Variants in PLPBP observed in about 807,000 individuals in gnomAD.
PLPBP encodes the protein pyridoxal phosphate homeostasis protein.
In PLPBP, 21 loss-of-function variants were observed where a neutral mutation model predicts 31.2. The observed-to-expected ratio is 0.67, with a 90% CI of 0.48 to 0.97. The LOEUF (loss-of-function observed/expected upper bound fraction) is 0.97, where lower values mean the gene tolerates loss of function less well. PLPBP is among the 50% of genes least tolerant of loss of function. The pLI is 0.00. For missense variants in PLPBP, 308 were observed against 354.4 expected (o/e 0.87, Z 1.05); for synonymous variants, 124 against 135.6 (o/e 0.91, Z 0.59).
At chr8:37,771,527 C>T (rs1052317979) in intron 4 of PLPBP, among the ~76,000 whole-genome samples, 4 of 151,970 alleles carry the variant, frequency 2.6e-5, no homozygotes, top group African/African-American at 9.7e-5. Context: ...CTCAAGTGAT[C>T]TGCCCTCCTC....
Position 37,775,948 on chromosome 8 carries a change from A to G in PLPBP, c.628A>G (p.Lys210Glu). Reference protein sequence around the residue: ...LLLSLREELCKKLNIPADQVE... With the variant: ...LLLSLREELCEKLNIPADQVE... ...ATTGTCCCTCCGGGAGGAGCTGTGT[A>G]AAAAGCTGAACATCCCTGCTGACCA... Residue 210 changes from lysine (K) to glutamate (E), a missense_variant, in exon 7 of 8, where the codon AAA becomes GAA. Transcript: ENST00000328195. The G allele has an allele frequency of 6.2e-7, 1 of 1,613,996 alleles. No individual in the cohort carries two copies. Among genetic ancestry groups the G allele is most frequent in the Non-Finnish European group, 8.5e-7 (1 of 1,179,916 alleles).
intron 4 of PLPBP, 172 bp downstream of exon 4, chr8:37,766,527 C>T (rs926721410): frequency 1.6e-6 from 2 of 1,258,186 alleles, no homozygotes; most frequent in African/African-American, 3.1e-5. Context: ...ATGCCAAGAA[C>T]AGAATGAATT....
intron 1 of PLPBP, among the ~76,000 whole-genome samples, chr8:37,764,572 C>CGGA (rs1442741469): frequency 6.6e-6 from 1 of 152,200 alleles, no homozygotes; most frequent in Non-Finnish European, 1.5e-5. Context: ...CCACCCACCT[C>CGGA]GGCCTCCCAC....
At chr8:37,770,908 G>C (rs1425741693) in intron 4 of PLPBP, among the ~76,000 whole-genome samples, 1 of 152,124 alleles carries the variant, frequency 6.6e-6, no homozygotes, top group Non-Finnish European at 1.5e-5. Context: ...GATGGGAGGA[G>C]GGAGCGGGGA....
rs1803812969 is a variant in PLPBP at position 37,772,909 on chromosome 8, T to C, written c.454+20T>C. 1 of 1,613,596 alleles carries C rather than the reference T, an allele frequency of 6.2e-7. No individual in the cohort carries two copies. On this transcript the variant is annotated intron_variant, in intron 5 of 7. Transcript: ENST00000328195. ...AAGAGAGTAAGTAACCAGACCTGAA[T>C]TGTAGATTTTTCTTCCTTTAGGATG...
chr8:37,764,450 T>A (rs1451057852), intron 1 of PLPBP, among the ~76,000 whole-genome samples: 4 of 152,202 alleles, frequency 2.6e-5, no homozygotes, highest in Non-Finnish European at 5.9e-5. Flanking sequence ...GCTTCCCAAG[T>A]AGCTCGGATT....
At chr8:37,766,430 A>G in intron 4 of PLPBP, 75 bp downstream of exon 4, 3 of 1,472,172 alleles carry the variant, frequency 2.0e-6, no homozygotes, top group South Asian at 1.3e-5. Context: ...TGGAAGAGAG[A>G]GCAACTTTTA....
intron 7 of PLPBP, among the ~76,000 whole-genome samples, chr8:37,777,400 G>A (rs1483140828): frequency 2.6e-5 from 4 of 152,116 alleles, no homozygotes; most frequent in African/African-American, 9.7e-5. Flanking sequence ...GACGTCTAAT[G>A]TCCTTGACCC....
At chr8:37,766,599 G>C (rs564743119) in intron 4 of PLPBP, 1 of 1,130,840 alleles carries the variant, frequency 8.8e-7, no homozygotes, top group East Asian at 4.4e-5. Context: ...TTATTATTTG[G>C]TGGTCTTTCA....
intron 3 of PLPBP, 33 bp from the exon 4 acceptor site, chr8:37,766,247 C>A (rs749563960): frequency 1.3e-6 from 2 of 1,557,516 alleles, no homozygotes; most frequent in South Asian, 1.2e-5. Context: ...TCTATAAAAT[C>A]TGAATTACAC....
chr8:37,769,662 G>T (rs2129789554), intron 4 of PLPBP, among the ~76,000 whole-genome samples: 1 of 152,250 alleles, frequency 6.6e-6, no homozygotes, highest in East Asian at 1.9e-4. Flanking sequence ...AGACTGCTAA[G>T]ATCCAGTGTT....
upstream of PLPBP, chr8:37,762,583 G>A: frequency 6.6e-7 from 1 of 1,516,156 alleles, no homozygotes; most frequent in Non-Finnish European, 8.8e-7. Context: ...TTCACACGGC[G>A]CAAGCTGGGC....
intron 4 of PLPBP, among the ~76,000 whole-genome samples, chr8:37,768,879 T>G (rs1359467222): frequency 6.6e-6 from 1 of 152,228 alleles, no homozygotes; most frequent in Non-Finnish European, 1.5e-5. Flanking sequence ...TCTGCATGTT[T>G]TTTAAATTGA....
chr8:37,765,838 GT>G, intron 3 of PLPBP, 92 bp downstream of exon 3: 1 of 1,390,548 alleles, frequency 7.2e-7, no homozygotes, highest in Non-Finnish European at 9.9e-7. Context: ...TTGTACAGCA[GT>G]TTTAGGGTGG....
At position 37,778,298 on chromosome 8, in the gene PLPBP, A is replaced by G; in HGVS notation, c.*194A>G. The G allele has an allele frequency of 5.9e-6, 3 of 511,560 alleles. No homozygotes were observed. The highest frequency in any genetic ancestry group is 9.8e-6 in the Non-Finnish European group (3 of 304,702). The allele number at this position is 511,560 out of a possible 1,614,324, so 31.7% of individuals were successfully genotyped here. ...AGGCAATGGCTTTGGATTGAGTTTG[A>G]GAAATTCAAACATTTCTGCAGAACA... On this transcript the variant is annotated 3_prime_UTR_variant, in exon 8 of 8. Transcript: ENST00000328195.
At chr8:37,765,130 A>G (rs1051697221) in intron 1 of PLPBP, among the ~76,000 whole-genome samples, 1 of 152,204 alleles carries the variant, frequency 6.6e-6, no homozygotes, top group Non-Finnish European at 1.5e-5. Context: ...GTGAGCCGAG[A>G]TGGCACCATT....
chr8:37,762,776 G>A lies in PLPBP; in HGVS notation c.99+18G>A, dbSNP rs1184362471. The stretch of plus-strand genomic sequence containing the variant: ...GGCCGCGGGTGAGGAAGGAGGCTGC[G>A]TGGGGACGGTGGGCGGCCGCCTTGA... On this transcript the variant is annotated intron_variant, in intron 1 of 7. Transcript: ENST00000328195. 7 of 1,544,100 alleles carry A rather than the reference G, an allele frequency of 4.5e-6. No individual in the cohort carries two copies. The highest frequency in any genetic ancestry group is 5.2e-6 in the Non-Finnish European group (6 of 1,151,524).
intron 5 of PLPBP, among the ~76,000 whole-genome samples, chr8:37,774,633 G>A (rs947254243): frequency 4.6e-5 from 7 of 152,194 alleles, no homozygotes; most frequent in African/African-American, 9.6e-5. Flanking sequence ...TCTAGATAAC[G>A]TCCTAGAGTC....
intron 4 of PLPBP, among the ~76,000 whole-genome samples, chr8:37,771,391 C>T (rs1394850745): frequency 6.6e-6 from 1 of 152,048 alleles, no homozygotes; most frequent in Admixed American, 6.5e-5. Context: ...TCGACCACCT[C>T]GGCCTCCCCA....
Sources: gnomAD v4.1 joint callset for allele counts (sites outside exome capture counted in the v4.1 genomes callset) on GRCh38, gnomAD v4.1.1 for gene constraint, MANE v1.5 for transcripts, NCBI Gene and HGNC (gene_info 2026-07-23, HGNC 2026-07-21) for gene names.